The following DCTN1 variants were observed in gnomAD, a reference collection of about 807,000 sequenced individuals.
The protein encoded by DCTN1 is 150 kDa dynein-associated polypeptide.
Under a neutral mutation model 161.2 loss-of-function variants are expected in DCTN1, and 61 were observed. The observed-to-expected ratio is 0.38, with a 90% confidence interval of 0.31 to 0.47. The LOEUF is 0.47. Among genes scored for constraint, DCTN1 ranks in the 20% least tolerant of loss-of-function variants. The pLI is 0.99. For missense variants in DCTN1, 1,404 were observed against 1,623.7 expected, an observed-to-expected ratio of 0.86 and a Z score of 2.33; for synonymous variants, 653 against 632.4, an observed-to-expected ratio of 1.03 and a Z score of -0.49.
At position 74,365,928 on chromosome 2, in the gene DCTN1, C is replaced by T. The variant is rs1674371709; in HGVS notation, c.2851G>A (p.Val951Ile). ...AGTGACTTCTTCAACTCCTTAATAA[C>T]TGTCTCTCGATCTTCGAGCTTCAAA... ...LGLKLEDRET[V>I]IKELKKSLKI... is the part of the protein sequence containing the mutation. The change falls in exon 24 of 32, where the codon GTT (valine) becomes ATT (isoleucine). Residue 951 changes from valine (V) to isoleucine (I), a missense_variant. Val to Ile is a conservative substitution (Grantham distance 29). Transcript: ENST00000628224. 6.2e-7 allele frequency: 1 copy of T among 1,614,140 alleles called. No individual in the cohort carries two copies. Among genetic ancestry groups the T allele is most frequent in the Non-Finnish European group, 8.5e-7 (1 of 1,180,056 alleles).
chr2:74,372,808 A>G, intron 7 of DCTN1, 120 bp downstream of exon 7: 5 of 1,062,966 alleles, frequency 4.7e-6, no homozygotes, highest in South Asian at 2.5e-5. Flanking sequence ...TCCTCTGAAG[A>G]GAACCCAGGA....
At position 74,363,022 on chromosome 2, in the gene DCTN1, G is replaced by A. The variant is rs569997015; in HGVS notation, c.3501C>T (p.His1167=). The A allele has an allele frequency of 2.5e-4, 400 of 1,613,770 alleles. 1 individual carries two copies. The highest frequency in any genetic ancestry group is 3.2e-4 in the Non-Finnish European group (372 of 1,179,868). ...GGCTGGTGCGAGTGATGTCTACTAC[G>A]TGCGTGTGTGTGCTCAATTGATTCA... ...ETLNQLSTHT[H]VVDITRTSPA... is the part of the protein sequence containing the mutation. The change falls in exon 29 of 32, where the codon CAC becomes CAT. Residue 1167 remains histidine (H), a synonymous_variant. Coordinates refer to ENST00000628224, the MANE Select transcript of DCTN1 (RefSeq NM_004082.5).
intron 29 of DCTN1, 62 bp from the exon 30 acceptor site, chr2:74,362,791 A>C: frequency 6.5e-7 from 1 of 1,527,428 alleles, no homozygotes; most frequent in African/African-American, 1.4e-5. Flanking sequence ...TACTGGATTA[A>C]GGGTTAGGGG....
chr2:74,366,955 A>T (rs1013797935), intron 20 of DCTN1, 23 bp from the exon 21 acceptor site: 6 of 1,614,072 alleles, frequency 3.7e-6, no homozygotes, highest in Non-Finnish European at 5.1e-6. Flanking sequence ...AAGAAAATGG[A>T]TGGAGAACCA....
intron 22 of DCTN1, 31 bp from the exon 23 acceptor site, chr2:74,366,406 CCACA>C: frequency 1.9e-6 from 3 of 1,614,170 alleles, no homozygotes; most frequent in Non-Finnish European, 2.5e-6. Context: ...AGTAAAAGCC[CCACA>C]CTGGTCACTA....
chr2:74,365,305 C>T, intron 25 of DCTN1, 64 bp from the exon 26 acceptor site: 1 of 1,598,322 alleles, frequency 6.3e-7, no homozygotes, highest in South Asian at 1.1e-5. Flanking sequence ...ACTATTCAGT[C>T]CTGAGAGGTC....
Position 74,367,989 on chromosome 2 carries a change from G to C in DCTN1, c.1997C>G (p.Thr666Arg). Residue 666 changes from threonine (T) to arginine (R), a missense_variant, in exon 17 of 32, where the codon ACG becomes AGG. By Grantham distance (71) the Thr-to-Arg change is moderately conservative. Coordinates refer to ENST00000628224, the MANE Select transcript of DCTN1 (RefSeq NM_004082.5). Reference protein sequence around the residue: ...LVYSLSLLQATLHRYEHALSQ... With the variant: ...LVYSLSLLQARLHRYEHALSQ... ...CACTTACTGCTCATAGCGGTGTAGCGTGGCCTGCAGCAGGCTCAGCGAGTA... is the reference window on the plus strand; with the variant it reads ...CACTTACTGCTCATAGCGGTGTAGCCTGGCCTGCAGCAGGCTCAGCGAGTA... The C allele has an allele frequency of 1.9e-6, 3 of 1,614,224 alleles. No homozygotes were observed. Among genetic ancestry groups the C allele is most frequent in the Non-Finnish European group, 2.5e-6 (3 of 1,180,044 alleles).
chr2:74,385,990 A>T (rs1263943846), intron 1 of DCTN1, among the ~76,000 whole-genome samples: 1 of 152,236 alleles, frequency 6.6e-6, no homozygotes, highest in African/African-American at 2.4e-5. Flanking sequence ...TTCACCTCTC[A>T]GATGACACAA....
chr2:74,365,323 T>A, intron 25 of DCTN1, 82 bp from the exon 26 acceptor site: 1 of 1,584,330 alleles, frequency 6.3e-7, no homozygotes, highest in East Asian at 2.3e-5. Context: ...GTCCTTGGAA[T>A]AGCCCTGCCA....
At chr2:74,372,784 G>A (rs1459161918) in intron 7 of DCTN1, 144 bp downstream of exon 7, 6 of 884,204 alleles carry the variant, frequency 6.8e-6, no homozygotes, top group East Asian at 2.5e-5. Context: ...CCAGCACTGC[G>A]AACCCCCACC....
chr2:74,380,429 CA>C, upstream of DCTN1: 1 of 493,652 alleles, frequency 2.0e-6, no homozygotes, highest in Non-Finnish European at 4.1e-6. Flanking sequence ...CCTCAGCACT[CA>C]ACTCTTGAAT....
chr2:74,365,395 G>C, intron 25 of DCTN1, 120 bp downstream of exon 25: 2 of 1,560,898 alleles, frequency 1.3e-6, no homozygotes, highest in African/African-American at 1.4e-5. Context: ...GGTTGGCAGT[G>C]GGTAAAGAAA....
In DCTN1 at chr2:74,369,488, C is replaced by T; in HGVS notation, c.1396G>A (p.Ala466Thr). Residue 466 changes from alanine to threonine, a missense_variant, in exon 14 of 32, where the codon GCG becomes ACG. Ala to Thr is a moderately conservative substitution (Grantham distance 58). This residue lies in a region of DCTN1 where 278 missense variants were observed against 363.8 expected (regional missense o/e 0.76). Transcript: ENST00000628224. This position sits in a 1 kb window ranked among gnomAD's most constrained non-coding sequence, Gnocchi z 4.9. ...ELRETVGDLE[A>T]MNEMNDELQE... ...AGCTCATCGTTCATCTCATTCATCG[C>T]TTCCTAGGACACCACACCATAGTTT... 6.2e-6 allele frequency: 10 copies of T among 1,612,560 alleles called. No homozygotes were observed. The highest frequency in any genetic ancestry group is 7.6e-6 in the Non-Finnish European group (9 of 1,180,006).
upstream of DCTN1, among the ~76,000 whole-genome samples, chr2:74,384,016 T>A (rs1675622221): frequency 6.6e-6 from 1 of 152,132 alleles, no homozygotes; most frequent in South Asian, 2.1e-4. Flanking sequence ...AATGCATGAA[T>A]AAGTAAATGA....
Position 74,369,079 on chromosome 2 carries a change from AC to A in DCTN1, c.1701+18del. The A allele has an allele frequency of 3.1e-6, 5 of 1,612,480 alleles. No individual in the cohort carries two copies. In the South Asian group the frequency reaches 5.5e-5, roughly 18 times the overall value. On this transcript the variant is annotated intron_variant, in intron 15 of 31. Coordinates refer to ENST00000628224, the MANE Select transcript of DCTN1 (RefSeq NM_004082.5). The surrounding 1 kb of genome is among the most constrained non-coding windows in gnomAD (Gnocchi z 4.9). ...TTCATCCCAGGCAGGGCTCCCTCAG[AC>A]CCACACACTTTCCTGACCTTGGCAT...
In DCTN1 at chr2:74,370,862, C is replaced by G; in HGVS notation, c.844-37G>C. ...GTGGAGGTGGGAGGGGGTACCAGCACAGAGATGCCCCAGGCCTTTCTCACA... is the reference window on the plus strand; with the variant it reads ...GTGGAGGTGGGAGGGGGTACCAGCAGAGAGATGCCCCAGGCCTTTCTCACA... On this transcript the variant is annotated intron_variant, in intron 9 of 31. Transcript: ENST00000628224. The surrounding 1 kb of genome is among the most constrained non-coding windows in gnomAD (Gnocchi z 4.4). The G allele has an allele frequency of 1.2e-6, 2 of 1,613,724 alleles. No individual in the cohort carries two copies. The highest frequency in any genetic ancestry group is 1.1e-5 in the South Asian group (1 of 91,068).
At chr2:74,368,985 C>T (rs1371819969) in intron 15 of DCTN1, 105 bp from the exon 16 acceptor site, 1 of 1,566,206 alleles carries the variant, frequency 6.4e-7, no homozygotes, top group Non-Finnish European at 8.8e-7. Flanking sequence ...AAGCCCAGGC[C>T]AGAGTCTTCC....
intron 1 of DCTN1, among the ~76,000 whole-genome samples, chr2:74,387,228 G>A (rs1318715714): frequency 2.6e-5 from 4 of 152,086 alleles, no homozygotes; most frequent in Non-Finnish European, 5.9e-5. Context: ...TCCTTTTCCT[G>A]GAATTTTCTC....
chr2:74,371,327 C>T lies in DCTN1; in HGVS notation c.646-151G>A, dbSNP rs1040722473. On this transcript the variant is annotated intron_variant, in intron 8 of 31. Coordinates refer to ENST00000628224, the MANE Select transcript of DCTN1 (RefSeq NM_004082.5). ...GGCATAAGAACATCTGAGAGGAAAC[C>T]GTAGCACAGTATATATGGGGAAAGT... The T allele has an allele frequency of 4.5e-6, 7 of 1,543,436 alleles. No individual in the cohort carries two copies. The Admixed American group carries it at 5.2e-5, about 12-fold the overall frequency.
Sources: allele counts gnomAD v4.1 joint callset (sites outside exome capture counted in the v4.1 genomes callset), GRCh38; gene constraint gnomAD v4.1.1; regional missense constraint gnomAD v4.1.1; non-coding constraint Gnocchi (gnomAD v3.1); transcripts MANE v1.5; gene names NCBI Gene and HGNC (gene_info 2026-07-23, HGNC 2026-07-21).